The following SORCS3 variants were observed in gnomAD, a reference collection of about 807,000 sequenced individuals.
The protein encoded by SORCS3 is VPS10 domain-containing receptor SorCS3.
In SORCS3, 57 loss-of-function variants were observed where a neutral mutation model predicts 146.3. The observed-to-expected ratio is 0.39, with a 90% CI of 0.31 to 0.49. The LOEUF is 0.49. Ranked by LOEUF, SORCS3 falls within the 20% of genes least tolerant of loss-of-function variation. The pLI, the probability that SORCS3 is intolerant of heterozygous loss-of-function variation, is 0.92. For synonymous variants in SORCS3, 653 were observed against 618.5 expected (o/e 1.06, Z -0.83); for missense variants, 1,341 against 1,575.5 (o/e 0.85, Z 2.52).
chr10:105,224,951 G>C lies in SORCS3; in HGVS notation c.2868+1702G>C, dbSNP rs556288654. On this transcript the variant is annotated intron_variant, in intron 20 of 26. Coordinates refer to ENST00000369701, the MANE Select transcript of SORCS3 (RefSeq NM_014978.3). ...ATCAGATTGTTCCATTACTTATTGA[G>C]TTTTAATAATTCTTTGTATATTATT... Among the ~76,000 whole-genome samples, 4 of 152,166 alleles carry C rather than the reference G, an allele frequency of 2.6e-5. No homozygotes were observed. In the East Asian group the frequency reaches 7.7e-4, roughly 29 times the overall value.
intron 2 of SORCS3, among the ~76,000 whole-genome samples, chr10:104,858,205 C>G (rs887450916): frequency 2.0e-5 from 3 of 152,092 alleles, no homozygotes; most frequent in South Asian, 2.1e-4. Context: ...TTAAAATATA[C>G]CAATCATCTA....
intron 4 of SORCS3, among the ~76,000 whole-genome samples, chr10:105,002,904 C>G (rs1184418318): frequency 6.6e-6 from 1 of 152,178 alleles, no homozygotes; most frequent in Admixed American, 6.5e-5. Context: ...ATAGAGTACT[C>G]GCTGTGTTCC....
At chr10:105,100,990 G>A (rs537243490) in intron 6 of SORCS3, among the ~76,000 whole-genome samples, 16 of 152,260 alleles carry the variant, frequency 1.1e-4, no homozygotes, top group East Asian at 7.7e-4. Flanking sequence ...AGTAAGTCCC[G>A]GATTTGATCT....
At chr10:105,188,664 A>C (rs1208283615) in intron 14 of SORCS3, among the ~76,000 whole-genome samples, 1 of 152,210 alleles carries the variant, frequency 6.6e-6, no homozygotes, top group East Asian at 1.9e-4. Flanking sequence ...TCATCTGGTT[A>C]ATTTATGCTG....
intron 3 of SORCS3, among the ~76,000 whole-genome samples, chr10:104,966,864 C>T (rs80013439): frequency 0.011 from 1,679 of 152,230 alleles, 29 homozygotes; most frequent in African/African-American, 0.038. Flanking sequence ...TCCTGACTTC[C>T]CTGAGTGTCC....
At chr10:104,838,902 C>T (rs560841086) in intron 1 of SORCS3, among the ~76,000 whole-genome samples, 5 of 152,190 alleles carry the variant, frequency 3.3e-5, no homozygotes, top group East Asian at 1.9e-4. Flanking sequence ...TCTTAGGCTC[C>T]GGCTTTATTC....
chr10:104,934,361 G>T (rs1458754898), intron 3 of SORCS3, among the ~76,000 whole-genome samples: 2 of 152,176 alleles, frequency 1.3e-5, no homozygotes, highest in East Asian at 3.9e-4. Context: ...AATAATTTTT[G>T]AACTTAGTAT....
chr10:104,831,406 G>C (rs1391275595), intron 1 of SORCS3, among the ~76,000 whole-genome samples: 1 of 152,146 alleles, frequency 6.6e-6, no homozygotes, highest in Non-Finnish European at 1.5e-5. Context: ...ACCTGTGGCT[G>C]GAATTACCCC....
chr10:104,879,656 A>G (rs2133574447), intron 2 of SORCS3, among the ~76,000 whole-genome samples: 1 of 152,316 alleles, frequency 6.6e-6, no homozygotes, highest in African/African-American at 2.4e-5. Flanking sequence ...GCCTTTGTGC[A>G]AGCCAGACAA....
intron 1 of SORCS3, among the ~76,000 whole-genome samples, chr10:104,682,933 C>G (rs560751001): frequency 2.5e-4 from 38 of 152,252 alleles, no homozygotes; most frequent in Non-Finnish European, 4.7e-4. Flanking sequence ...CAGGCCTGGT[C>G]CAGGATTTTA....
At chr10:104,791,187 G>C (rs1024747412) in intron 1 of SORCS3, among the ~76,000 whole-genome samples, 4 of 152,172 alleles carry the variant, frequency 2.6e-5, no homozygotes, top group South Asian at 2.1e-4. Flanking sequence ...TCTGAGAAAG[G>C]CTAGAAAAGC....
chr10:105,263,592 A>G lies in SORCS3; in HGVS notation c.*218A>G, dbSNP rs2056974415. ...AAATGGCTGTATTTGTGCTAAGAGC[A>G]AAGGATGCATCTTCCCACAGCCTCC... is the stretch of plus-strand genomic sequence containing the variant. On this transcript the variant is annotated 3_prime_UTR_variant, in exon 27 of 27. Transcript: ENST00000369701. 1.1e-5 allele frequency: 6 copies of G among 528,788 alleles called. No homozygotes were observed. The Admixed American group carries it at 1.3e-4, about 11-fold the overall frequency. The allele number at this position is 528,788 out of a possible 1,614,324, so 32.8% of individuals were successfully genotyped here. A position where few individuals can be genotyped will look rare whatever the true frequency, so the allele number is the denominator to read the frequency against.
intron 1 of SORCS3, among the ~76,000 whole-genome samples, chr10:104,671,872 A>G (rs1044362005): frequency 6.6e-6 from 1 of 151,988 alleles, no homozygotes; most frequent in African/African-American, 2.4e-5. Flanking sequence ...CATTTGGTTT[A>G]CTAGTATTTT....
At position 104,669,142 on chromosome 10, in the gene SORCS3, A is replaced by G. The variant is rs184652467; in HGVS notation, c.627+27188A>G. Among the ~76,000 whole-genome samples, 503 of 152,036 alleles carry G rather than the reference A, an allele frequency of 3.3e-3. 7 individuals are homozygous for G. Among genetic ancestry groups the G allele is most frequent in the African/African-American group, 0.011 (451 of 41,296 alleles). The stretch of plus-strand genomic sequence containing the variant: ...TATAGAAGGGGAAAGGGTAGTAGCT[A>G]CTATATGCTTTTTCCCTTCAGCATG... On this transcript the variant is annotated intron_variant, in intron 1 of 26. Coordinates refer to ENST00000369701, the MANE Select transcript of SORCS3 (RefSeq NM_014978.3).
At chr10:105,159,621 C>G (rs1312539507) in intron 11 of SORCS3, among the ~76,000 whole-genome samples, 2 of 152,186 alleles carry the variant, frequency 1.3e-5, no homozygotes, top group Non-Finnish European at 2.9e-5. Flanking sequence ...TTCCATACAC[C>G]TTTTCAAGAA....
chr10:104,911,117 T>C (rs2018962181), intron 2 of SORCS3, among the ~76,000 whole-genome samples: 2 of 152,242 alleles, frequency 1.3e-5, no homozygotes, highest in Admixed American at 6.5e-5. Flanking sequence ...TCTGCCAGCA[T>C]AAATGTCTCT....
At chr10:105,150,658 A>G (rs1004648457) in intron 9 of SORCS3, among the ~76,000 whole-genome samples, 2 of 152,212 alleles carry the variant, frequency 1.3e-5, no homozygotes, top group Non-Finnish European at 2.9e-5. Context: ...TGAGGGCTGG[A>G]TAAATAGCTG....
chr10:104,816,075 A>G (rs1026202627), intron 1 of SORCS3, among the ~76,000 whole-genome samples: 1 of 152,144 alleles, frequency 6.6e-6, no homozygotes. Context: ...CTTTTGAATT[A>G]TTTCCATGGA....
intron 4 of SORCS3, among the ~76,000 whole-genome samples, chr10:105,009,671 T>A (rs1378587700): frequency 6.6e-6 from 1 of 152,080 alleles, no homozygotes; most frequent in Admixed American, 6.6e-5. Flanking sequence ...GTATTTTGAG[T>A]GTTTTTTATG....
Sources: allele counts gnomAD v4.1 joint callset (sites outside exome capture counted in the v4.1 genomes callset), GRCh38; gene constraint gnomAD v4.1.1; transcripts MANE v1.5; gene names NCBI Gene and HGNC (gene_info 2026-07-23, HGNC 2026-07-21).